The following FBLN7 variants were observed in gnomAD, a reference collection of about 807,000 sequenced individuals.
FBLN7 encodes the protein fibulin 7.
A neutral mutation model predicts 44.0 loss-of-function variants in FBLN7; 31 were observed. The ratio of observed to expected loss-of-function variants is 0.70; its 90% CI spans 0.53 to 0.95. The LOEUF (loss-of-function observed/expected upper bound fraction) is 0.95. Among genes scored for constraint, FBLN7 ranks in the 40% least tolerant of loss-of-function variants. The probability of loss-of-function intolerance (pLI) is 0.00; values close to 1 mark genes in which losing one functional copy is unlikely to be tolerated. For missense variants in FBLN7, 573 were observed against 618.5 expected (o/e 0.93, Z 0.78); for synonymous variants, 262 against 253.4 (o/e 1.03, Z -0.32).
chr2:112,242,785 T>A, the FBLN7 span, among the ~76,000 whole-genome samples: 7 of 152,306 alleles, frequency 4.6e-5, no homozygotes, highest in East Asian at 9.6e-4. Context: ...CCAGCTCTCT[T>A]CTGATTAAAA....
Position 112,179,624 on chromosome 2 carries a change from G to A in FBLN7, c.533-2115G>A, listed in dbSNP as rs369050939. On this transcript the variant is annotated intron_variant, in intron 4 of 7. Coordinates refer to ENST00000331203, the MANE Select transcript of FBLN7 (RefSeq NM_153214.3). ...AAGGCTACAGTGACCAAAACAGCAT[G>A]GTACTGGTACAAAAACAGGCACGTA... 7.6e-4 allele frequency among the ~76,000 whole-genome samples: 115 copies of A among 152,264 alleles called. 1 individual carries two copies. Among genetic ancestry groups the A allele is most frequent in the African/African-American group, 2.7e-3 (111 of 41,530 alleles).
the FBLN7 span, chr2:112,231,058 AATC>A: frequency 1.4e-6 from 1 of 718,468 alleles, no homozygotes; most frequent in East Asian, 6.9e-5. Context: ...TCATCCTAAT[AATC>A]ATCTAATATT....
chr2:112,160,031 C>T (rs1044871905), intron 2 of FBLN7, among the ~76,000 whole-genome samples, 196 bp downstream of exon 2: 19 of 152,056 alleles, frequency 1.2e-4, no homozygotes, highest in African/African-American at 4.6e-4. Flanking sequence ...CGCTCTGTCG[C>T]CCAGGCTGGA....
Position 112,157,246 on chromosome 2 carries a change from T to G in FBLN7, c.76-2430T>G, listed in dbSNP as rs1003218400. ...TTAGCGGGGCATGGCGGTGGGCACC[T>G]GTAATCCCAGCTACTAGGGAGGCTG... On this transcript the variant is annotated intron_variant, in intron 1 of 7. Transcript: ENST00000331203. Among the ~76,000 whole-genome samples the G allele has an allele frequency of 1.5e-3, 225 of 152,156 alleles. 7 individuals carry two copies. The highest frequency in any genetic ancestry group is 3.2e-4 in the Non-Finnish European group (22 of 67,988).
In FBLN7 at chr2:112,148,277, A is replaced by G. The variant is rs566327045; in HGVS notation, c.75+9547A>G. On this transcript the variant is annotated intron_variant, in intron 1 of 7. Coordinates refer to ENST00000331203, the MANE Select transcript of FBLN7 (RefSeq NM_153214.3). ...CTAGAGCTTGGCATGAAAGGACACCATGATTGACAGGGGTATCTGCCCTCA... is the reference window on the plus strand; with the variant it reads ...CTAGAGCTTGGCATGAAAGGACACCGTGATTGACAGGGGTATCTGCCCTCA... Among the ~76,000 whole-genome samples, 20 of 152,288 alleles carry G rather than the reference A, an allele frequency of 1.3e-4. 1 individual carries two copies. The highest frequency in any genetic ancestry group is 3.9e-4 in the Admixed American group (6 of 15,294).
chr2:112,184,597 G>A (rs1165775425), intron 6 of FBLN7, among the ~76,000 whole-genome samples: 1 of 151,360 alleles, frequency 6.6e-6, no homozygotes, highest in Non-Finnish European at 1.5e-5. Context: ...AGGCTGGCAG[G>A]GAAGACTTTC....
At chr2:112,209,066 C>A in the FBLN7 span, among the ~76,000 whole-genome samples, 2 of 152,134 alleles carry the variant, frequency 1.3e-5, no homozygotes, top group African/African-American at 4.8e-5. Context: ...GTATTTACAT[C>A]CATTACCTCA....
chr2:112,236,839 G>C, the FBLN7 span: 1 of 774,900 alleles, frequency 1.3e-6, no homozygotes, highest in South Asian at 1.9e-5. Flanking sequence ...TCAAAGCTAG[G>C]AGTTCAAGGC....
the FBLN7 span, among the ~76,000 whole-genome samples, chr2:112,232,673 T>C: frequency 3.3e-5 from 5 of 152,218 alleles, no homozygotes; most frequent in Non-Finnish European, 5.9e-5. Flanking sequence ...TTTATATAAC[T>C]TCAATATTTT....
chr2:112,169,968 C>T lies in FBLN7; in HGVS notation c.406+4797C>T, dbSNP rs199770831. Among the ~76,000 whole-genome samples the T allele has an allele frequency of 4.6e-5, 7 of 152,222 alleles. No homozygotes were observed. In the East Asian group the frequency reaches 7.7e-4, roughly 17 times the overall value. ...AAGAAAAGGAAGAAGGGGCCAGGCG[C>T]GGTGGTTCATGCCTGTAATCCTAGC... On this transcript the variant is annotated intron_variant, in intron 3 of 7. Transcript: ENST00000331203.
the FBLN7 span, among the ~76,000 whole-genome samples, chr2:112,234,903 C>T: frequency 6.6e-6 from 1 of 152,006 alleles, no homozygotes; most frequent in South Asian, 2.1e-4. Flanking sequence ...AGTTGGAAAT[C>T]AGAGTGAACC....
the FBLN7 span, among the ~76,000 whole-genome samples, chr2:112,232,436 G>A: frequency 4.0e-5 from 6 of 151,692 alleles, no homozygotes; most frequent in Admixed American, 6.6e-5. Flanking sequence ...GACTACATAC[G>A]TAAATCAAGT....
In FBLN7 at chr2:112,182,867, C is replaced by A; in HGVS notation, c.747C>A (p.Gly249=). ...LCMHACVNTP[G]SYRCTCPGGY... is the part of the protein sequence containing the mutation. The stretch of plus-strand genomic sequence containing the variant: ...TGCACGCCTGCGTGAACACCCCGGG[C>A]TCTTACCGTTGCACCTGCCCCGGTG... Residue 249 remains glycine (G), a synonymous_variant, in exon 6 of 8, where the codon GGC becomes GGA. Transcript: ENST00000331203. The A allele has an allele frequency of 3.1e-6, 5 of 1,613,188 alleles. No homozygotes were observed. The highest frequency in any genetic ancestry group is 4.2e-6 in the Non-Finnish European group (5 of 1,179,888).
the FBLN7 span, among the ~76,000 whole-genome samples, chr2:112,210,904 A>G: frequency 1.3e-5 from 2 of 152,314 alleles, no homozygotes; most frequent in Admixed American, 1.3e-4. Context: ...ACTAAAAGGA[A>G]TCTGGGCTGC....
At chr2:112,244,491 G>A in the FBLN7 span, among the ~76,000 whole-genome samples, 1 of 152,260 alleles carries the variant, frequency 6.6e-6, no homozygotes, top group Middle Eastern at 3.4e-3. Context: ...TATAAGATGT[G>A]AGATATCTAC....
At chr2:112,225,093 G>A in the FBLN7 span, among the ~76,000 whole-genome samples, 5 of 152,186 alleles carry the variant, frequency 3.3e-5, no homozygotes, top group Non-Finnish European at 7.3e-5. Flanking sequence ...CTGGTAGTAT[G>A]TAGAAAGAGA....
intron 1 of FBLN7, 97 bp downstream of exon 1, chr2:112,138,827 GCCTCTCTCCCCTGTCCCT>G: frequency 2.0e-6 from 1 of 492,792 alleles, no homozygotes; most frequent in African/African-American, 1.5e-4. Flanking sequence ...CGTCCCTCCC[GCCTCTCTCCCCTGTCCCT>G]CCCGCCTCTC....
chr2:112,244,138 T>C, the FBLN7 span, among the ~76,000 whole-genome samples: 1 of 151,926 alleles, frequency 6.6e-6, no homozygotes, highest in Non-Finnish European at 1.5e-5. Flanking sequence ...GAATTAAGAA[T>C]GCCAAGAATG....
At chr2:112,163,685 C>T (rs1008268006) in intron 2 of FBLN7, among the ~76,000 whole-genome samples, 2 of 150,560 alleles carry the variant, frequency 1.3e-5, no homozygotes, top group African/African-American at 4.9e-5. Flanking sequence ...CTTGTACGGG[C>T]ACTTCACAAT....
Sources: allele counts gnomAD v4.1 joint callset (sites outside exome capture counted in the v4.1 genomes callset), GRCh38; gene constraint gnomAD v4.1.1; transcripts MANE v1.5; gene names NCBI Gene and HGNC (gene_info 2026-07-23, HGNC 2026-07-21).